RPSA2: variants seen among roughly 807,000 people sequenced by gnomAD.
RPSA2 encodes ribosomal protein SA 2, also known as small ribosomal subunit protein uS2B.
the RPSA2 span, chr19:23,827,526 T>C: frequency 1.1e-5 from 17 of 1,597,064 alleles, no homozygotes; most frequent in Non-Finnish European, 1.4e-5. Flanking sequence ...CCACGGCTTC[T>C]TGTGGTTACT....
At chr19:23,783,174 C>G in the RPSA2 span, among the ~76,000 whole-genome samples, 3 of 152,048 alleles carry the variant, frequency 2.0e-5, no homozygotes, top group African/African-American at 4.8e-5. Context: ...CAGCTCACCA[C>G]AACCTCCACC....
chr19:23,840,062 A>G, the RPSA2 span, among the ~76,000 whole-genome samples: 2 of 152,292 alleles, frequency 1.3e-5, no homozygotes, highest in East Asian at 3.9e-4. Flanking sequence ...TGATTTTTTC[A>G]GATACTCTCT....
the RPSA2 span, among the ~76,000 whole-genome samples, chr19:23,851,665 G>A: frequency 2.6e-5 from 4 of 152,168 alleles, no homozygotes; most frequent in Non-Finnish European, 5.9e-5. Flanking sequence ...TGCCTTTTGA[G>A]CAGTTGTATA....
At chr19:23,828,173 A>G in the RPSA2 span, 13 of 622,150 alleles carry the variant, frequency 2.1e-5, no homozygotes, top group Non-Finnish European at 3.4e-5. Context: ...GACTACTTAT[A>G]TGACCATATA....
At chr19:23,759,522 G>GGTTTTTT in the RPSA2 span, among the ~76,000 whole-genome samples, 3 of 89,034 alleles carry the variant, frequency 3.4e-5, no homozygotes, top group Non-Finnish European at 5.9e-5. Context: ...TATATATCAG[G>GGTTTTTT]TTTTTTTTTT....
the RPSA2 span, among the ~76,000 whole-genome samples, chr19:23,765,069 A>G: frequency 6.6e-6 from 1 of 152,324 alleles, no homozygotes; most frequent in African/African-American, 2.4e-5. Context: ...GTAGCCTCTC[A>G]GAAGAGCAAC....
chr19:23,806,028 TATCTATCC>T, the RPSA2 span, among the ~76,000 whole-genome samples: 10 of 141,798 alleles, frequency 7.1e-5, no homozygotes, highest in African/African-American at 2.7e-4. Context: ...TCTATCTATC[TATCTATCC>T]TTCTTTCTTT....
chr19:23,861,506 A>G, the RPSA2 span, among the ~76,000 whole-genome samples: 2 of 152,112 alleles, frequency 1.3e-5, no homozygotes, highest in Non-Finnish European at 2.9e-5. Flanking sequence ...TATCCTTTCC[A>G]ATGAGAACAT....
At chr19:23,850,006 C>A in the RPSA2 span, among the ~76,000 whole-genome samples, 1 of 152,154 alleles carries the variant, frequency 6.6e-6, no homozygotes, top group African/African-American at 2.4e-5. Flanking sequence ...AGATAAGCAG[C>A]CCAGACTTGA....
At chr19:23,797,981 G>A in the RPSA2 span, among the ~76,000 whole-genome samples, 1 of 152,102 alleles carries the variant, frequency 6.6e-6, no homozygotes, top group Admixed American at 6.5e-5. Flanking sequence ...AAAACACTTA[G>A]ATTATGTGTA....
the RPSA2 span, among the ~76,000 whole-genome samples, chr19:23,849,130 CAGTT>C: frequency 6.6e-6 from 1 of 152,192 alleles, no homozygotes. Flanking sequence ...ATACATTGGG[CAGTT>C]TGTCCAAATT....
the RPSA2 span, chr19:23,758,885 G>C: frequency 1.6e-6 from 2 of 1,228,928 alleles, no homozygotes; most frequent in African/African-American, 1.5e-5. Flanking sequence ...GGGCTGAAGG[G>C]AGAGACAAAG....
chr19:23,861,960 G>T, the RPSA2 span, among the ~76,000 whole-genome samples: 2 of 151,994 alleles, frequency 1.3e-5, no homozygotes, highest in Non-Finnish European at 2.9e-5. Context: ...GTCTGGCAGG[G>T]GTAAGAAGCA....
chr19:23,865,768 T>C, the RPSA2 span, among the ~76,000 whole-genome samples: 1 of 152,188 alleles, frequency 6.6e-6, no homozygotes, highest in African/African-American at 2.4e-5. Flanking sequence ...CCTATTACCA[T>C]AAGGCTTGAT....
chr19:23,846,697 T>C, the RPSA2 span, among the ~76,000 whole-genome samples: 2 of 152,226 alleles, frequency 1.3e-5, no homozygotes, highest in Non-Finnish European at 2.9e-5. Context: ...TGTTCTCTTC[T>C]GGCCAGTAAA....
chr19:23,806,985 GCTGTGTC>G, the RPSA2 span, among the ~76,000 whole-genome samples: 2 of 152,092 alleles, frequency 1.3e-5, no homozygotes, highest in Non-Finnish European at 2.9e-5. Context: ...CAGTAGTGAT[GCTGTGTC>G]CTTCTGGGTG....
the RPSA2 span, among the ~76,000 whole-genome samples, chr19:23,852,902 G>A: frequency 3.3e-5 from 5 of 152,192 alleles, no homozygotes; most frequent in African/African-American, 1.2e-4. Flanking sequence ...TGGAACAGGA[G>A]GTGTCTGTTG....
chr19:23,763,118 C>G, the RPSA2 span: 1 of 156,796 alleles, frequency 6.4e-6, no homozygotes, highest in Non-Finnish European at 1.4e-5. Context: ...CCAGGACATC[C>G]TGGAACCTGG....
chr19:23,768,467 C>T, the RPSA2 span, among the ~76,000 whole-genome samples: 1 of 146,926 alleles, frequency 6.8e-6, no homozygotes, highest in Non-Finnish European at 1.5e-5. Context: ...AATTTTATGA[C>T]ATGGAACTTG....
Sources: gnomAD v4.1 joint callset for allele counts (sites outside exome capture counted in the v4.1 genomes callset) on GRCh38, gnomAD v4.1.1 for gene constraint, MANE v1.5 for transcripts, NCBI Gene and HGNC (gene_info 2026-07-23, HGNC 2026-07-21) for gene names.